The following MDFIC2 variants were observed in gnomAD, a reference collection of about 807,000 sequenced individuals.
The protein encoded by MDFIC2 is myoD family inhibitor domain-containing protein 2.
intron 2 of MDFIC2, chr3:70,291,138 A>G (rs1243998622): frequency 5.3e-5 from 8 of 152,206 alleles, no homozygotes; most frequent in Admixed American, 5.2e-4. Context: ...CAGTTTTACC[A>G]TAAAAAGTAT....
intron 2 of MDFIC2, among the ~76,000 whole-genome samples, chr3:70,309,204 A>G (rs1177600528): frequency 1.3e-5 from 2 of 152,116 alleles, no homozygotes; most frequent in African/African-American, 4.8e-5. Context: ...TGGAGATTCA[A>G]TTTGCCACTT....
At chr3:70,264,004 G>A (rs911723491) in intron 2 of MDFIC2, among the ~76,000 whole-genome samples, 1 of 152,140 alleles carries the variant, frequency 6.6e-6, no homozygotes, top group African/African-American at 2.4e-5. Context: ...TGTCATGACT[G>A]GAAGCAGTTA....
At chr3:70,234,495 A>G (rs1300821237) in intron 2 of MDFIC2, among the ~76,000 whole-genome samples, 1 of 152,002 alleles carries the variant, frequency 6.6e-6, no homozygotes, top group Non-Finnish European at 1.5e-5. Flanking sequence ...CAAAAAATAG[A>G]ATAATCAGCC....
intron 3 of MDFIC2, among the ~76,000 whole-genome samples, chr3:70,199,044 A>G (rs1225056801): frequency 4.6e-5 from 7 of 152,210 alleles, no homozygotes; most frequent in Non-Finnish European, 1.0e-4. Flanking sequence ...TCAGCAGACA[A>G]TCTCCAAGTG....
intron 2 of MDFIC2, among the ~76,000 whole-genome samples, chr3:70,286,247 G>C (rs902764097): frequency 1.3e-5 from 2 of 152,170 alleles, no homozygotes; most frequent in Non-Finnish European, 2.9e-5. Flanking sequence ...AAGGTGTAAG[G>C]AAGGGATCCA....
At position 70,238,685 on chromosome 3, in the gene MDFIC2, C is replaced by G. The variant is rs545252497; in HGVS notation, c.89-31895G>C. On this transcript the variant is annotated intron_variant, in intron 2 of 3. Coordinates refer to ENST00000567252, the MANE Select transcript of MDFIC2 (RefSeq NM_001364677.1). ...AAGAAAAGAAAGTAAAGGCAGGGCA[C>G]TTTAGCCACAGGGACAAATTCCAAA... Among the ~76,000 whole-genome samples the G allele has an allele frequency of 2.6e-4, 40 of 152,096 alleles. No individual in the cohort carries two copies. The South Asian group carries it at 8.3e-3, about 32-fold the overall frequency.
At chr3:70,251,904 T>C (rs1455376663) in intron 2 of MDFIC2, among the ~76,000 whole-genome samples, 1 of 152,214 alleles carries the variant, frequency 6.6e-6, no homozygotes, top group Non-Finnish European at 1.5e-5. Flanking sequence ...ATTTGGGATG[T>C]CTTGTTACAC....
intron 2 of MDFIC2, among the ~76,000 whole-genome samples, chr3:70,249,426 T>A (rs2106649520): frequency 6.6e-6 from 1 of 152,284 alleles, no homozygotes; most frequent in South Asian, 2.1e-4. Context: ...TAACAGATAC[T>A]ACCATTGCTG....
chr3:70,222,715 T>A (rs558495582), intron 2 of MDFIC2, among the ~76,000 whole-genome samples: 4 of 152,302 alleles, frequency 2.6e-5, no homozygotes, highest in African/African-American at 9.6e-5. Context: ...CCATACTTTG[T>A]ACAAAGTTGT....
At chr3:70,270,123 C>T (rs1293241022) in intron 2 of MDFIC2, among the ~76,000 whole-genome samples, 1 of 152,070 alleles carries the variant, frequency 6.6e-6, no homozygotes, top group Non-Finnish European at 1.5e-5. Flanking sequence ...GCATTATGCA[C>T]ATACATTTGA....
chr3:70,200,046 T>A (rs984169529), intron 3 of MDFIC2, among the ~76,000 whole-genome samples: 4 of 152,160 alleles, frequency 2.6e-5, no homozygotes, highest in African/African-American at 7.2e-5. Flanking sequence ...TTCTTTGTCA[T>A]TTTGCTTTTC....
intron 2 of MDFIC2, among the ~76,000 whole-genome samples, chr3:70,267,569 A>ATTTTTGT (rs1559549233): frequency 3.3e-5 from 1 of 30,726 alleles, no homozygotes; most frequent in Non-Finnish European, 8.1e-5. Context: ...TGCCCGGCTA[A>ATTTTTGT]TTTTTTGTAT....
Position 70,277,817 on chromosome 3 carries a change from G to C in MDFIC2, c.88+34069C>G, listed in dbSNP as rs1702041976. Among the ~76,000 whole-genome samples the C allele has an allele frequency of 2.0e-5, 3 of 152,182 alleles. No individual in the cohort carries two copies. The South Asian group carries it at 6.2e-4, about 32-fold the overall frequency. The stretch of plus-strand genomic sequence containing the variant: ...CCCATTTTTTATACAAATGGTTGTT[G>C]AGATCTATGTGCCAGGTACAGGAGA... On this transcript the variant is annotated intron_variant, in intron 2 of 3. Coordinates refer to ENST00000567252, the MANE Select transcript of MDFIC2 (RefSeq NM_001364677.1).
chr3:70,236,983 CAACACAGA>C (rs1202640388), intron 2 of MDFIC2, among the ~76,000 whole-genome samples: 1 of 152,188 alleles, frequency 6.6e-6, no homozygotes, highest in Non-Finnish European at 1.5e-5. Flanking sequence ...ATAGCTTAAG[CAACACAGA>C]TGTGTCAATG....
intron 2 of MDFIC2, among the ~76,000 whole-genome samples, chr3:70,262,974 T>C (rs1701881084): frequency 6.6e-6 from 1 of 152,216 alleles, no homozygotes; most frequent in Non-Finnish European, 1.5e-5. Context: ...TCTAACCTGC[T>C]GTTAATACTA....
intron 2 of MDFIC2, among the ~76,000 whole-genome samples, chr3:70,296,456 C>T (rs950991286): frequency 6.6e-6 from 1 of 152,062 alleles, no homozygotes; most frequent in Non-Finnish European, 1.5e-5. Context: ...TTATAGAACC[C>T]ATCACCTCTC....
At chr3:70,251,371 C>T (rs1297401112) in intron 2 of MDFIC2, among the ~76,000 whole-genome samples, 2 of 152,146 alleles carry the variant, frequency 1.3e-5, no homozygotes, top group African/African-American at 4.8e-5. Flanking sequence ...AATAGGGGGA[C>T]TATCTGATTT....
At chr3:70,279,156 T>C (rs1702056604) in intron 2 of MDFIC2, among the ~76,000 whole-genome samples, 1 of 151,262 alleles carries the variant, frequency 6.6e-6, no homozygotes, top group Non-Finnish European at 1.5e-5. Flanking sequence ...ATGACAACAA[T>C]AAGTGCCATT....
intron 2 of MDFIC2, chr3:70,272,399 A>T (rs1208803042): frequency 3.9e-5 from 6 of 152,168 alleles, no homozygotes; most frequent in African/African-American, 1.4e-4. Flanking sequence ...TCTTTCGCTC[A>T]ATATAATGCT....
Sources: gnomAD v4.1 joint callset for allele counts (sites outside exome capture counted in the v4.1 genomes callset) on GRCh38, gnomAD v4.1.1 for gene constraint, MANE v1.5 for transcripts, NCBI Gene and HGNC (gene_info 2026-07-23, HGNC 2026-07-21) for gene names.